Variants in CA10 observed in about 807,000 individuals in gnomAD.
The protein encoded by CA10 is carbonic anhydrase-related protein 10.
A neutral mutation model predicts 44.2 loss-of-function variants in CA10; 14 were observed. The ratio of observed to expected loss-of-function variants is 0.32; its 90% CI spans 0.21 to 0.50. CA10 has a LOEUF of 0.50. Ranked by LOEUF, CA10 falls within the 20% of genes least tolerant of loss-of-function variation. The pLI is 0.99. For synonymous variants in CA10, 159 were observed against 141.6 expected (o/e 1.12, Z -0.87); for missense variants, 350 against 409.7 (o/e 0.85, Z 1.26).
chr17:51,891,817 C>T (rs952574074), intron 3 of CA10, among the ~76,000 whole-genome samples: 1 of 152,132 alleles, frequency 6.6e-6, no homozygotes, highest in Non-Finnish European at 1.5e-5. Flanking sequence ...CCTCTTCCAG[C>T]CCCATGTCTG....
intron 3 of CA10, among the ~76,000 whole-genome samples, chr17:51,750,631 T>C (rs1904861105): frequency 6.6e-6 from 1 of 152,224 alleles, no homozygotes; most frequent in Admixed American, 6.5e-5. Flanking sequence ...ATTTACTATG[T>C]ATTGCTGCAT....
chr17:51,711,956 G>A (rs752490389), intron 4 of CA10, among the ~76,000 whole-genome samples: 33 of 152,156 alleles, frequency 2.2e-4, no homozygotes, highest in Admixed American at 5.9e-4. Flanking sequence ...GAGGGGCAGC[G>A]GCTACCGATG....
chr17:52,011,594 G>A (rs1985797800), intron 2 of CA10, among the ~76,000 whole-genome samples: 2 of 151,980 alleles, frequency 1.3e-5, no homozygotes, highest in Non-Finnish European at 2.9e-5. Context: ...AAGAACATTT[G>A]GATTTTTTTC....
At chr17:51,849,154 TAC>T (rs1457544698) in intron 3 of CA10, among the ~76,000 whole-genome samples, 3 of 130,448 alleles carry the variant, frequency 2.3e-5, no homozygotes, top group Non-Finnish European at 4.9e-5. Flanking sequence ...TTTATATATA[TAC>T]ATATATGTAT....
chr17:52,105,259 G>GTT lies in CA10; in HGVS notation c.62-32868_62-32867dup, dbSNP rs34246422. On this transcript the variant is annotated intron_variant, in intron 1 of 8. Coordinates refer to ENST00000451037, the MANE Select transcript of CA10 (RefSeq NM_020178.5). ...CAGGTTCAAATCCTCATGTTTTTTT[G>GTT]TTTTTTTTTTTTGAAATGGAGTCTT... Among the ~76,000 whole-genome samples the GTT allele has an allele frequency of 3.7e-4, 54 of 147,884 alleles. 1 individual carries two copies. The highest frequency in any genetic ancestry group is 8.6e-4 in the South Asian group (4 of 4,626).
intron 3 of CA10, among the ~76,000 whole-genome samples, chr17:51,913,192 CT>C (rs1295095702): frequency 1.3e-5 from 2 of 152,138 alleles, no homozygotes; most frequent in Non-Finnish European, 2.9e-5. Context: ...TGATTCTAGC[CT>C]CTAAGACATT....
chr17:52,014,417 A>G (rs909335171), intron 2 of CA10, among the ~76,000 whole-genome samples: 1 of 152,046 alleles, frequency 6.6e-6, no homozygotes, highest in Non-Finnish European at 1.5e-5. Context: ...TGGTAATTCA[A>G]CTGGCTGTGG....
intron 4 of CA10, among the ~76,000 whole-genome samples, chr17:51,707,622 A>G (rs1915800628): frequency 6.6e-6 from 1 of 150,642 alleles, no homozygotes; most frequent in African/African-American, 2.4e-5. Flanking sequence ...GAATTAACAC[A>G]GGCATTGTGC....
intron 4 of CA10, among the ~76,000 whole-genome samples, chr17:51,706,218 T>C (rs984236816): frequency 1.3e-5 from 2 of 152,210 alleles, no homozygotes; most frequent in Non-Finnish European, 2.9e-5. Context: ...CTACACTCAG[T>C]GCTCTTAAGT....
At chr17:52,100,597 A>G (rs1988515413) in intron 1 of CA10, among the ~76,000 whole-genome samples, 1 of 152,228 alleles carries the variant, frequency 6.6e-6, no homozygotes, top group Non-Finnish European at 1.5e-5. Context: ...TCAACAGCAT[A>G]AAAATGTCTT....
chr17:51,633,556 C>T lies in CA10; in HGVS notation c.884G>A (p.Arg295His), dbSNP rs201368392. 17 of 1,613,990 alleles carry T rather than the reference C, an allele frequency of 1.1e-5. No individual in the cohort carries two copies. The highest frequency in any genetic ancestry group is 1.2e-5 in the Non-Finnish European group (14 of 1,179,932). The change falls in exon 8 of 9, where the codon CGC becomes CAC. Residue 295 changes from arginine to histidine, a missense_variant. Physicochemically the swap from Arg to His is conservative, Grantham distance 29. Coordinates refer to ENST00000451037, the MANE Select transcript of CA10 (RefSeq NM_020178.5). ...GAAGTTGATATTGGTGCGGATGCAG[C>T]GGTTGTTGAGTGGCTGGACAGGCCT... is the stretch of plus-strand genomic sequence containing the variant. ...NFRPVQPLNN[R>H]CIRTNINFSL...
intron 1 of CA10, among the ~76,000 whole-genome samples, chr17:52,145,221 C>T (rs182669823): frequency 6.6e-6 from 1 of 152,210 alleles, no homozygotes; most frequent in East Asian, 1.9e-4. Context: ...CACTCACAGT[C>T]GTGAAAGATC....
chr17:52,028,096 A>C lies in CA10; in HGVS notation c.136+44223T>G, dbSNP rs116598381. On this transcript the variant is annotated intron_variant, in intron 2 of 8. Coordinates refer to ENST00000451037, the MANE Select transcript of CA10 (RefSeq NM_020178.5). ...TGAGTCCATGCCTCCCAGGGATAGTAAGATAAATGAGATAATAAAGGTGAG... is the reference window on the plus strand; with the variant it reads ...TGAGTCCATGCCTCCCAGGGATAGTCAGATAAATGAGATAATAAAGGTGAG... Among the ~76,000 whole-genome samples the C allele has an allele frequency of 9.6e-3, 1,456 of 152,274 alleles. 19 individuals carry two copies. Among genetic ancestry groups the C allele is most frequent in the African/African-American group, 0.033 (1,372 of 41,550 alleles).
intron 3 of CA10, among the ~76,000 whole-genome samples, chr17:51,873,289 T>C (rs1447412985): frequency 6.6e-6 from 1 of 152,248 alleles, no homozygotes; most frequent in African/African-American, 2.4e-5. Flanking sequence ...TAGGTTCAAA[T>C]GCTGGCACTG....
intron 3 of CA10, among the ~76,000 whole-genome samples, chr17:51,928,110 A>G (rs1390249157): frequency 6.6e-6 from 1 of 152,162 alleles, no homozygotes. Context: ...GGATACTTGC[A>G]TATATCTAAT....
intron 2 of CA10, among the ~76,000 whole-genome samples, chr17:51,942,555 T>C (rs1983124518): frequency 1.3e-5 from 2 of 150,470 alleles, no homozygotes; most frequent in East Asian, 4.0e-4. Flanking sequence ...TATATATATA[T>C]CTGTCATCTC....
intron 3 of CA10, among the ~76,000 whole-genome samples, chr17:51,792,360 C>A (rs1331714041): frequency 2.0e-5 from 3 of 152,194 alleles, no homozygotes; most frequent in Non-Finnish European, 4.4e-5. Context: ...GATAAACTCA[C>A]TTGCAAATAG....
At chr17:51,643,013 G>A (rs980969310) in intron 6 of CA10, among the ~76,000 whole-genome samples, 2 of 152,110 alleles carry the variant, frequency 1.3e-5, no homozygotes, top group South Asian at 2.1e-4. Flanking sequence ...GGGGGCATGC[G>A]ACACTGAAGG....
At chr17:52,137,002 C>A (rs560836176) in intron 1 of CA10, among the ~76,000 whole-genome samples, 2 of 152,050 alleles carry the variant, frequency 1.3e-5, no homozygotes, top group South Asian at 4.2e-4. Context: ...AAAAATTAGT[C>A]AACTTGGAAA....
Sources: gnomAD v4.1 joint callset for allele counts (sites outside exome capture counted in the v4.1 genomes callset) on GRCh38, gnomAD v4.1.1 for gene constraint, MANE v1.5 for transcripts, NCBI Gene and HGNC (gene_info 2026-07-23, HGNC 2026-07-21) for gene names.